MYO3A: variants seen among roughly 807,000 people sequenced by gnomAD.
The protein encoded by MYO3A is myosin-IIIa.
In MYO3A, 180 loss-of-function variants were observed where a neutral mutation model predicts 192.7. The observed-to-expected ratio is 0.93, with a 90% CI of 0.83 to 1.06. The LOEUF (loss-of-function observed/expected upper bound fraction) is 1.06, where lower values mean the gene tolerates loss of function less well. Ranked by LOEUF, MYO3A falls within the 50% of genes least tolerant of loss-of-function variation. The pLI is 0.00. For missense variants in MYO3A, 1,896 were observed against 1,905.0 expected, an observed-to-expected ratio of 1.00 and a Z score of 0.09; for synonymous variants, 628 against 645.3, an observed-to-expected ratio of 0.97 and a Z score of 0.41.
intron 14 of MYO3A, among the ~76,000 whole-genome samples, chr10:26,073,430 G>A (rs111931857): frequency 0.1 from 15,326 of 151,820 alleles, 837 homozygotes; most frequent in Non-Finnish European, 0.12. Flanking sequence ...TTAGCCAGGC[G>A]TGGTGGCAGG....
At chr10:26,004,335 G>A (rs1006010048) in intron 6 of MYO3A, among the ~76,000 whole-genome samples, 4 of 152,008 alleles carry the variant, frequency 2.6e-5, no homozygotes, top group East Asian at 1.9e-4. Flanking sequence ...GACAACGGGC[G>A]GCAGGTTTCT....
intron 14 of MYO3A, among the ~76,000 whole-genome samples, chr10:26,075,860 C>A (rs12413095): frequency 0.69 from 101,915 of 148,730 alleles, 35,072 homozygotes; most frequent in Middle Eastern, 0.77. Flanking sequence ...TCATATATAT[C>A]TATATGTATC....
At chr10:26,041,629 A>G (rs1371584754) in intron 10 of MYO3A, among the ~76,000 whole-genome samples, 1 of 152,072 alleles carries the variant, frequency 6.6e-6, no homozygotes, top group African/African-American at 2.4e-5. Context: ...AGGCTTGCAC[A>G]TACTATCTTA....
At chr10:26,185,388 G>T in intron 31 of MYO3A, among the ~76,000 whole-genome samples, 1 of 138,148 alleles carries the variant, frequency 7.2e-6, no homozygotes, top group African/African-American at 2.8e-5. Flanking sequence ...TACCCAGATG[G>T]GAGTGCAGTG....
rs200715190 is a variant in MYO3A, at chr10:26,068,859, A to C, written c.1145A>C (p.Gln382Pro). ...ATACTCATTGCTCTTAACCCTTTTCAGAGTCTGGGTCTTTACTCCACAAAG... is the reference window on the plus strand; with the variant it reads ...ATACTCATTGCTCTTAACCCTTTTCCGAGTCTGGGTCTTTACTCCACAAAG... Reference protein sequence around the residue: ...GDILIALNPFQSLGLYSTKHS... With the variant: ...GDILIALNPFPSLGLYSTKHS... Residue 382 changes from glutamine to proline, a missense_variant, in exon 12 of 35, where the codon CAG becomes CCG. By Grantham distance (76) the Gln-to-Pro change is moderately conservative (BLOSUM62 -1). Transcript: ENST00000642920. The C allele has an allele frequency of 3.1e-6, 5 of 1,591,082 alleles. No homozygotes were observed. The highest frequency in any genetic ancestry group is 1.3e-5 in the African/African-American group (1 of 74,510).
At chr10:25,958,005 G>A (rs890945999) in intron 4 of MYO3A, among the ~76,000 whole-genome samples, 11 of 152,122 alleles carry the variant, frequency 7.2e-5, no homozygotes, top group South Asian at 6.2e-4. Flanking sequence ...CAGATGCATC[G>A]TTTGTAAACA....
chr10:26,172,332 G>C (rs1842091426), intron 29 of MYO3A, among the ~76,000 whole-genome samples: 1 of 152,230 alleles, frequency 6.6e-6, no homozygotes, highest in East Asian at 1.9e-4. Flanking sequence ...CAGGCCGGCA[G>C]GGCTCTCCAG....
At chr10:26,010,406 T>A (rs1459420163) in intron 6 of MYO3A, among the ~76,000 whole-genome samples, 1 of 152,086 alleles carries the variant, frequency 6.6e-6, no homozygotes, top group Non-Finnish European at 1.5e-5. Context: ...TATGAATTTC[T>A]TGATGTGAAA....
chr10:26,137,210 C>G (rs915983603), intron 20 of MYO3A, among the ~76,000 whole-genome samples: 23 of 152,220 alleles, frequency 1.5e-4, no homozygotes, highest in African/African-American at 4.1e-4. Flanking sequence ...GTAGGTTATT[C>G]TATATTTTAA....
chr10:26,046,735 C>T (rs1010815942), intron 10 of MYO3A, among the ~76,000 whole-genome samples: 2 of 152,172 alleles, frequency 1.3e-5, no homozygotes, highest in Non-Finnish European at 2.9e-5. Flanking sequence ...ACCCAAAGTA[C>T]TTTCATATAA....
At chr10:26,143,287 C>T (rs577374607) in intron 20 of MYO3A, among the ~76,000 whole-genome samples, 161 bp from the exon 21 acceptor site, 2 of 152,150 alleles carry the variant, frequency 1.3e-5, no homozygotes, top group East Asian at 1.9e-4. Flanking sequence ...GCCTAGATTG[C>T]GCCAATATAC....
At chr10:25,949,129 A>G (rs752031744) in intron 2 of MYO3A, among the ~76,000 whole-genome samples, 4 of 152,012 alleles carry the variant, frequency 2.6e-5, no homozygotes, top group African/African-American at 4.8e-5. Flanking sequence ...TATTCTTATT[A>G]TTTATCACTT....
At chr10:26,012,793 A>G (rs371085798) in intron 6 of MYO3A, among the ~76,000 whole-genome samples, 2 of 152,164 alleles carry the variant, frequency 1.3e-5, no homozygotes. Flanking sequence ...AGCAATCCTA[A>G]GCAAAAAACA....
At chr10:26,174,659 G>T in intron 30 of MYO3A, 102 bp downstream of exon 30, 3 of 973,462 alleles carry the variant, frequency 3.1e-6, no homozygotes, top group Non-Finnish European at 4.7e-6. Context: ...TTTTATCTGC[G>T]TTGATGGGCC....
intron 26 of MYO3A, among the ~76,000 whole-genome samples, chr10:26,158,627 A>AAT (rs1841298056): frequency 6.6e-6 from 1 of 152,132 alleles, no homozygotes; most frequent in African/African-American, 2.4e-5. Flanking sequence ...TTTATTGAGT[A>AAT]ATACGTTATT....
intron 4 of MYO3A, among the ~76,000 whole-genome samples, chr10:25,984,449 T>A (rs1839520832): frequency 6.6e-6 from 1 of 152,088 alleles, no homozygotes. Context: ...ACACACCTGG[T>A]CAAACCAATC....
chr10:25,936,541 CT>C (rs1369232415), intron 2 of MYO3A, among the ~76,000 whole-genome samples: 2 of 152,116 alleles, frequency 1.3e-5, no homozygotes, highest in African/African-American at 4.8e-5. Flanking sequence ...CTCCCTCCCC[CT>C]AGTAATAGGA....
intron 14 of MYO3A, among the ~76,000 whole-genome samples, chr10:26,087,390 A>G (rs1836403816): frequency 1.3e-5 from 2 of 152,134 alleles, no homozygotes; most frequent in Admixed American, 1.3e-4. Flanking sequence ...CTCTCCCTCA[A>G]CATAGAAACT....
chr10:25,994,624 G>T (rs1840298946), intron 4 of MYO3A, among the ~76,000 whole-genome samples: 1 of 152,256 alleles, frequency 6.6e-6, no homozygotes, highest in East Asian at 1.9e-4. Flanking sequence ...TTACAACTTG[G>T]CATGTTTTTG....
Sources: allele counts gnomAD v4.1 joint callset (sites outside exome capture counted in the v4.1 genomes callset), GRCh38; gene constraint gnomAD v4.1.1; transcripts MANE v1.5; gene names NCBI Gene and HGNC (gene_info 2026-07-23, HGNC 2026-07-21).